PIEZO1: variants seen among roughly 807,000 people sequenced by gnomAD.
PIEZO1 encodes the protein piezo type mechanosensitive ion channel component 1 (Er blood group).
PIEZO1 carries 296 observed loss-of-function variants against 297.2 expected under a neutral mutation model. The observed-to-expected ratio is 1.00, with a 90% CI of 0.91 to 1.10. The LOEUF (loss-of-function observed/expected upper bound fraction) is 1.10. PIEZO1 is among the 50% of genes least tolerant of loss of function. The pLI is 0.00. For synonymous variants in PIEZO1, 2,427 were observed against 1,507.5 expected (o/e 1.61, Z -14.13); for missense variants, 5,018 against 3,455.5 (o/e 1.45, Z -11.34).
intron 29 of PIEZO1, 133 bp from the exon 30 acceptor site, chr16:88,725,213 G>A (rs1904337341): frequency 1.4e-6 from 1 of 723,676 alleles, no homozygotes; most frequent in African/African-American, 1.8e-5. Flanking sequence ...GGCCGTGTGG[G>A]GCCATGGGGC....
chr16:88,724,873 A>T, intron 30 of PIEZO1, 136 bp downstream of exon 30: 1 of 567,566 alleles, frequency 1.8e-6, no homozygotes, highest in East Asian at 3.5e-5. Context: ...CCCCCGACCC[A>T]GGAGGCCTGA....
At position 88,727,142 on chromosome 16, in the gene PIEZO1, C is replaced by T; in HGVS notation, c.3352G>A (p.Ala1118Thr). The change falls in exon 24 of 51, where the codon GCT becomes ACT. Residue 1118 changes from alanine (A) to threonine (T), a missense_variant. Transcript: ENST00000301015. ...CGCTGCCACTCCTCTGTGCGCTCAG[C>T]TGAGAACACCTGCCACTGCTGGGAG... ...CASQQWQVFS[A>T]ERTEEWQRMA... is the part of the protein sequence containing the mutation. 1 of 1,549,464 alleles carries T rather than the reference C, an allele frequency of 6.5e-7. No individual in the cohort carries two copies. Among genetic ancestry groups the T allele is most frequent in the Non-Finnish European group, 8.7e-7 (1 of 1,146,386 alleles).
intron 1 of PIEZO1, among the ~76,000 whole-genome samples, chr16:88,751,921 A>C (rs980211950): frequency 6.6e-6 from 1 of 152,194 alleles, no homozygotes; most frequent in Non-Finnish European, 1.5e-5. Flanking sequence ...CCAATGCTCA[A>C]CAAGTGCACC....
At chr16:88,734,259 G>A in intron 16 of PIEZO1, 97 bp downstream of exon 16, 1 of 1,259,800 alleles carries the variant, frequency 7.9e-7, no homozygotes. Flanking sequence ...GGATCTGAAG[G>A]TGGAAGATGT....
Position 88,727,615 on chromosome 16 carries a change from G to A in PIEZO1, c.3243C>T (p.Leu1081=), listed in dbSNP as rs1904547496. The A allele has an allele frequency of 2.0e-6, 3 of 1,527,182 alleles. No homozygotes were observed. Among genetic ancestry groups the A allele is most frequent in the African/African-American group, 1.4e-5 (1 of 72,384 alleles). 94.6% of individuals were successfully genotyped at this position (1,527,182 alleles called of 1,614,324 possible). The change falls in exon 23 of 51, where the codon CTC becomes CTT. Residue 1081 remains leucine (L), a synonymous_variant. Coordinates refer to ENST00000301015, the MANE Select transcript of PIEZO1 (RefSeq NM_001142864.4). ...WSRAVPMNSA[L]IKWLYLPDFF... is the part of the protein sequence containing the mutation. ...AATCAGGCAGGTACAGCCACTTGAT[G>A]AGTGCGGAGTTCATGGGGACGGCCC...
Position 88,722,899 on chromosome 16 carries a change from G to A in PIEZO1, c.4606C>T (p.His1536Tyr). The change falls in exon 34 of 51, where the codon CAC (histidine) becomes TAC (tyrosine). Residue 1536 changes from histidine to tyrosine, a missense_variant. His to Tyr is a moderately conservative substitution (Grantham distance 83). Transcript: ENST00000301015. ...CGCAGCACGTCGCTCATGGTGCCGTGGTGCCGGGTGAACTCCTGCAGCCAG... is the reference window on the plus strand; with the variant it reads ...CGCAGCACGTCGCTCATGGTGCCGTAGTGCCGGGTGAACTCCTGCAGCCAG... ...TRWLQEFTRH[H>Y]GTMSDVLRAE... 1.9e-6 allele frequency: 3 copies of A among 1,549,202 alleles called. No homozygotes were observed. The highest frequency in any genetic ancestry group is 1.4e-5 in the African/African-American group (1 of 73,150).
chr16:88,749,872 A>G (rs2142864151), intron 1 of PIEZO1, among the ~76,000 whole-genome samples: 1 of 150,772 alleles, frequency 6.6e-6, no homozygotes, highest in Middle Eastern at 3.5e-3. Flanking sequence ...CACCGAAAAT[A>G]CAAAAATTAG....
At chr16:88,751,000 T>C (rs556531057) in intron 1 of PIEZO1, among the ~76,000 whole-genome samples, 10 of 152,056 alleles carry the variant, frequency 6.6e-5, no homozygotes, top group Non-Finnish European at 1.2e-4. Flanking sequence ...AGCCAGGATG[T>C]AGCCAACGAG....
intron 1 of PIEZO1, among the ~76,000 whole-genome samples, chr16:88,781,017 C>T (rs1226336082): frequency 6.6e-6 from 1 of 152,218 alleles, no homozygotes; most frequent in African/African-American, 2.4e-5. Context: ...AGAAGACTAA[C>T]ATTTTGTTGA....
At position 88,754,585 on chromosome 16, in the gene PIEZO1, C is replaced by A. The variant is rs374677722; in HGVS notation, c.65-5106G>T. Among the ~76,000 whole-genome samples, 8 of 152,304 alleles carry A rather than the reference C, an allele frequency of 5.3e-5. 1 individual carries two copies. In the South Asian group the frequency reaches 1.7e-3, roughly 32 times the overall value. On this transcript the variant is annotated intron_variant, in intron 1 of 50. Transcript: ENST00000301015. ...CTAACACGGGCTGAACCAAGCCTGA[C>A]GAGGCCTGAAGGACTGTCACAGGGA...
intron 4 of PIEZO1, 22 bp downstream of exon 4, chr16:88,742,031 G>A: frequency 1.3e-6 from 2 of 1,535,502 alleles, no homozygotes; most frequent in Non-Finnish European, 1.7e-6. Context: ...TTGCTGGTTG[G>A]GGGTGGGAGG....
Position 88,784,887 on chromosome 16 carries a change from C to G in PIEZO1, c.64+14G>C. ...CCCCCTCCCGTCGCCCCCAGGCGCC[C>G]GCCCCCCACTCACCAGCCAGCAGCG... On this transcript the variant is annotated intron_variant, in intron 1 of 50. Transcript: ENST00000301015. 2.1e-6 allele frequency: 3 copies of G among 1,433,802 alleles called. No individual in the cohort carries two copies. The highest frequency in any genetic ancestry group is 2.8e-6 in the Non-Finnish European group (3 of 1,090,318). 88.8% of individuals were successfully genotyped at this position (1,433,802 alleles called of 1,614,324 possible).
chr16:88,749,512 A>G lies in PIEZO1; in HGVS notation c.65-33T>C, dbSNP rs372979925. ...GAGATGGGCGTTAACTAGGTCGCCA[A>G]CAGAGGATGGCCAGCCCCACCCCAG... On this transcript the variant is annotated intron_variant, in intron 1 of 50. Coordinates refer to ENST00000301015, the MANE Select transcript of PIEZO1 (RefSeq NM_001142864.4). 144 of 1,475,476 alleles carry G rather than the reference A, an allele frequency of 9.8e-5. No homozygotes were observed. The East Asian group carries it at 2.6e-3, about 27-fold the overall frequency. 91.4% of individuals were successfully genotyped at this position (1,475,476 alleles called of 1,614,324 possible).
chr16:88,766,852 G>A (rs1290277163), intron 1 of PIEZO1, among the ~76,000 whole-genome samples: 5 of 152,332 alleles, frequency 3.3e-5, no homozygotes, highest in South Asian at 4.1e-4. Context: ...CACGAGGGCC[G>A]GGGCCACCCC....
In PIEZO1 at chr16:88,715,997, G is replaced by T; in HGVS notation, c.7252C>A (p.Leu2418Met). 1 of 1,550,224 alleles carries T rather than the reference G, an allele frequency of 6.5e-7. No individual in the cohort carries two copies. The highest frequency in any genetic ancestry group is 1.2e-5 in the South Asian group (1 of 84,070). The change falls in exon 50 of 51, where the codon CTG becomes ATG. Residue 2418 changes from leucine to methionine, a missense_variant. Transcript: ENST00000301015. ...LQECRTDCNL[L>M]PMVIFSDKVS... is the part of the protein sequence containing the mutation. The stretch of plus-strand genomic sequence containing the variant: ...TTGTCACTGAAAATGACCATGGGCA[G>T]CAGGTTGCAGTCGGTCCGGCACTCC...
At chr16:88,773,966 C>G (rs115843393) in intron 1 of PIEZO1, among the ~76,000 whole-genome samples, 2,094 of 152,288 alleles carry the variant, frequency 0.014, 44 homozygotes, top group African/African-American at 0.047. Context: ...CCCTTCAGCA[C>G]CGCAAGCCTC....
rs192796334 is a variant in PIEZO1 at position 88,720,230 on chromosome 16, G to C, written c.6003C>G (p.Pro2001=). The C allele has an allele frequency of 1.1e-5, 17 of 1,550,528 alleles. No homozygotes were observed. In the African/African-American group the frequency reaches 2.1e-4, roughly 19 times the overall value. ...ITSSLSDDQV[P]EAFLVMLLIQ... is the part of the protein sequence containing the mutation. The stretch of plus-strand genomic sequence containing the variant: ...TCAGCAGCATGACCAGGAAAGCCTC[G>C]GGTACCTGGTCGTCTGATAGGGAGG... Residue 2001 remains proline (P), a synonymous_variant, in exon 42 of 51, where the codon CCC becomes CCG. Transcript: ENST00000301015.
intron 1 of PIEZO1, among the ~76,000 whole-genome samples, chr16:88,764,162 T>C (rs1907058942): frequency 1.3e-5 from 2 of 151,862 alleles, no homozygotes; most frequent in African/African-American, 2.4e-5. Context: ...AACCCAGAGG[T>C]CATGAAGCTG....
At chr16:88,742,029 TG>T (rs1905711128) in intron 4 of PIEZO1, 23 bp downstream of exon 4, 1 of 1,535,314 alleles carries the variant, frequency 6.5e-7, no homozygotes, top group Non-Finnish European at 8.7e-7. Flanking sequence ...GCTTGCTGGT[TG>T]GGGGTGGGAG....
Sources: gnomAD v4.1 joint callset for allele counts (sites outside exome capture counted in the v4.1 genomes callset) on GRCh38, gnomAD v4.1.1 for gene constraint, MANE v1.5 for transcripts, NCBI Gene and HGNC (gene_info 2026-07-23, HGNC 2026-07-21) for gene names.